Variants in DHX29 observed in about 807,000 individuals in gnomAD.
DHX29 encodes the protein ATP-dependent RNA helicase DHX29.
DHX29 carries 79 observed loss-of-function variants against 167.9 expected under a neutral mutation model. The observed-to-expected ratio is 0.47, with a 90% CI of 0.39 to 0.57. The LOEUF is 0.57. Among genes scored for constraint, DHX29 ranks in the 20% least tolerant of loss-of-function variants. The pLI, the probability that DHX29 is intolerant of heterozygous loss-of-function variation, is 0.00. For synonymous variants in DHX29, 530 were observed against 546.0 expected (o/e 0.97, Z 0.41); for missense variants, 1,347 against 1,593.4 (o/e 0.85, Z 2.63).
In DHX29 at chr5:55,262,819, A is replaced by G; in HGVS notation, c.3639T>C (p.Ile1213=). ...CCACCAGTACAGCTTTAAGAAGGGCAATTTCTTGGAATGAGAGGGTCTGTG... is the reference window on the plus strand; with the variant it reads ...CCACCAGTACAGCTTTAAGAAGGGCGATTTCTTGGAATGAGAGGGTCTGTG... ...RASQTLSFQE[I]ALLKAVLVAG... Residue 1213 remains isoleucine, a synonymous_variant, in exon 24 of 27, where the codon ATT becomes ATC. Coordinates refer to ENST00000251636, the MANE Select transcript of DHX29 (RefSeq NM_019030.4). The G allele has an allele frequency of 6.2e-7, 1 of 1,614,054 alleles. No homozygotes were observed. Among genetic ancestry groups the G allele is most frequent in the Non-Finnish European group, 8.5e-7 (1 of 1,179,972 alleles).
At chr5:55,274,497 C>A (rs1478629038) in intron 16 of DHX29, 117 bp downstream of exon 16, 1 of 714,038 alleles carries the variant, frequency 1.4e-6, no homozygotes, top group African/African-American at 1.9e-5. Flanking sequence ...CTTACTTCCC[C>A]ATAGGTAATT....
In DHX29 at chr5:55,261,555, A is replaced by G. The variant is rs553541388; in HGVS notation, c.3829-56T>C. The G allele has an allele frequency of 2.4e-5, 27 of 1,113,648 alleles. No individual in the cohort carries two copies. In the African/African-American group the frequency reaches 4.0e-4, roughly 16 times the overall value. 69.0% of individuals were successfully genotyped at this position (1,113,648 alleles called of 1,614,324 possible). A position where few individuals can be genotyped will look rare whatever the true frequency, so the allele number is the denominator to read the frequency against. On this transcript the variant is annotated intron_variant, in intron 24 of 26. Coordinates refer to ENST00000251636, the MANE Select transcript of DHX29 (RefSeq NM_019030.4). ...CAAAATATAAAAATAGAAGGAGGTC[A>G]TTTATCTTTTTCAAGTAAGCATTTT...
intron 1 of DHX29, among the ~76,000 whole-genome samples, chr5:55,305,448 G>T (rs1748812441): frequency 6.6e-6 from 1 of 152,212 alleles, no homozygotes; most frequent in Non-Finnish European, 1.5e-5. Flanking sequence ...TAAAAGGTTA[G>T]AAAGAGGGTT....
At chr5:55,306,178 A>T (rs560963141) in intron 1 of DHX29, among the ~76,000 whole-genome samples, 1 of 152,170 alleles carries the variant, frequency 6.6e-6, no homozygotes, top group Non-Finnish European at 1.5e-5. Context: ...AGGGCAAAGA[A>T]CTGTTTCCAC....
At chr5:55,268,972 A>C (rs895978616) in intron 21 of DHX29, among the ~76,000 whole-genome samples, 3 of 152,182 alleles carry the variant, frequency 2.0e-5, no homozygotes, top group Non-Finnish European at 4.4e-5. Flanking sequence ...TACTTACAGA[A>C]CACTTCAGTA....
chr5:55,299,585 C>CTAG (rs1435891251), intron 1 of DHX29, among the ~76,000 whole-genome samples: 6 of 152,112 alleles, frequency 3.9e-5, no homozygotes, highest in Non-Finnish European at 2.9e-5. Context: ...AGGTAAGAAT[C>CTAG]GTTCCTTCCC....
In DHX29 at chr5:55,307,659, C is replaced by A; in HGVS notation, c.-86G>T. The A allele has an allele frequency of 6.6e-7, 1 of 1,519,418 alleles. No individual in the cohort carries two copies. The highest frequency in any genetic ancestry group is 8.9e-7 in the Non-Finnish European group (1 of 1,122,306). The allele number at this position is 1,519,418 out of a possible 1,614,324, so 94.1% of individuals were successfully genotyped here. ...GAGAGCTCTTCACATTCCCCGGCTC[C>A]GGGGCTGCCACCCTGCGCTTCGATC... On this transcript the variant is annotated 5_prime_UTR_variant, in exon 1 of 27. Transcript: ENST00000251636.
At chr5:55,271,541 G>T (rs1168752471) in intron 18 of DHX29, among the ~76,000 whole-genome samples, 2 of 152,224 alleles carry the variant, frequency 1.3e-5, no homozygotes, top group Non-Finnish European at 2.9e-5. Context: ...GCTGAGGCAG[G>T]GGAACTGCTT....
chr5:55,265,498 A>G (rs1034290927), intron 23 of DHX29, among the ~76,000 whole-genome samples: 6 of 152,206 alleles, frequency 3.9e-5, no homozygotes, highest in Non-Finnish European at 5.9e-5. Context: ...AATCAGCCAT[A>G]TCCAGAATGC....
intron 1 of DHX29, among the ~76,000 whole-genome samples, chr5:55,307,027 G>A (rs542360044): frequency 3.0e-4 from 45 of 152,322 alleles, no homozygotes; most frequent in African/African-American, 9.9e-4. Flanking sequence ...CTGGCACCAG[G>A]AGGTCAGGAA....
Position 55,276,687 on chromosome 5 carries a change from A to G in DHX29, c.2287-281T>C, listed in dbSNP as rs956402656. Reference sequence around the variant, plus strand: ...GTATCAGCTGAACTGAAAAGGTAAGAATCAAGAATGGAATATGTAGAAAGG... The same window carrying G: ...GTATCAGCTGAACTGAAAAGGTAAGGATCAAGAATGGAATATGTAGAAAGG... On this transcript the variant is annotated intron_variant, in intron 13 of 26. Coordinates refer to ENST00000251636, the MANE Select transcript of DHX29 (RefSeq NM_019030.4). Among the ~76,000 whole-genome samples the G allele has an allele frequency of 5.3e-5, 8 of 152,302 alleles. No individual in the cohort carries two copies. The East Asian group carries it at 5.8e-4, about 11-fold the overall frequency.
chr5:55,280,499 T>C lies in DHX29; in HGVS notation c.2109+873A>G, dbSNP rs188943123. Among the ~76,000 whole-genome samples, 57 of 152,274 alleles carry C rather than the reference T, an allele frequency of 3.7e-4. 1 individual carries two copies. Among genetic ancestry groups the C allele is most frequent in the Non-Finnish European group, 1.2e-4 (8 of 68,018 alleles). On this transcript the variant is annotated intron_variant, in intron 12 of 26. Transcript: ENST00000251636. ...TAGCATTTTGGTTCATGTTGACCCT[T>C]GATGATACTGATTAAATCTAGGTCT...
At chr5:55,283,899 A>T (rs745639792) in intron 10 of DHX29, 88 bp from the exon 11 acceptor site, 3 of 1,060,662 alleles carry the variant, frequency 2.8e-6, no homozygotes, top group Non-Finnish European at 3.9e-6. Flanking sequence ...AGCTATATTC[A>T]TCTTAAAATA....
chr5:55,262,780 G>A lies in DHX29; in HGVS notation c.3678C>T (p.Asp1226=). ...TTGTATAGATTATCTTCCCCACATT[G>A]TCATACAGTCCAGCCACCAGTACAG... is the stretch of plus-strand genomic sequence containing the variant. ...LKAVLVAGLY[D]NVGKIIYTKS... The change falls in exon 24 of 27, where the codon GAC becomes GAT. Residue 1226 remains aspartate, a synonymous_variant. Transcript: ENST00000251636. 6.2e-7 allele frequency: 1 copy of A among 1,614,030 alleles called. No homozygotes were observed. Among genetic ancestry groups the A allele is most frequent in the Non-Finnish European group, 8.5e-7 (1 of 1,179,982 alleles).
intron 8 of DHX29, among the ~76,000 whole-genome samples, 190 bp downstream of exon 8, chr5:55,289,080 T>C (rs759208100): frequency 2.6e-5 from 4 of 152,238 alleles, no homozygotes; most frequent in Non-Finnish European, 5.9e-5. Context: ...AGATATTTAT[T>C]TGTAATTACA....
intron 12 of DHX29, chr5:55,279,525 T>A (rs1032701054): frequency 7.2e-5 from 11 of 152,284 alleles, no homozygotes; most frequent in Non-Finnish European, 1.0e-4. Flanking sequence ...TTTGTTATTT[T>A]GAGACAGGCT....
chr5:55,267,913 A>G (rs1746661389), intron 21 of DHX29, 91 bp from the exon 22 acceptor site: 2 of 919,350 alleles, frequency 2.2e-6, no homozygotes, highest in African/African-American at 1.7e-5. Context: ...TCATAAAACA[A>G]TCACACTTTA....
intron 5 of DHX29, among the ~76,000 whole-genome samples, chr5:55,294,637 G>A (rs960171494): frequency 6.6e-6 from 1 of 152,174 alleles, no homozygotes; most frequent in African/African-American, 2.4e-5. Flanking sequence ...TGAGTGCAGT[G>A]CCATTCACTC....
intron 14 of DHX29, among the ~76,000 whole-genome samples, chr5:55,275,496 T>C (rs1747062074): frequency 6.6e-6 from 1 of 152,194 alleles, no homozygotes; most frequent in African/African-American, 2.4e-5. Flanking sequence ...AGGGCAAGAT[T>C]TTAATTTTTG....
Sources: allele counts gnomAD v4.1 joint callset (sites outside exome capture counted in the v4.1 genomes callset), GRCh38; gene constraint gnomAD v4.1.1; transcripts MANE v1.5; gene names NCBI Gene and HGNC (gene_info 2026-07-23, HGNC 2026-07-21).